The following MIPOL1 variants were observed in gnomAD, a reference collection of about 807,000 sequenced individuals.
MIPOL1 encodes mirror-image polydactyly 1, also known as mirror-image polydactyly gene 1 protein.
In MIPOL1, 57 loss-of-function variants were observed where a neutral mutation model predicts 60.9. The ratio of observed to expected loss-of-function variants is 0.94; its 90% CI spans 0.76 to 1.17. The LOEUF is 1.17. Ranked by LOEUF, MIPOL1 falls within the 50% of genes most tolerant of loss-of-function variation. The probability of loss-of-function intolerance (pLI) is 0.00; values close to 1 mark genes in which losing one functional copy is unlikely to be tolerated. For synonymous variants in MIPOL1, 179 were observed against 168.8 expected (o/e 1.06, Z -0.47); for missense variants, 551 against 511.6 (o/e 1.08, Z -0.74).
chr14:37,481,323 G>T (rs757612573), intron 11 of MIPOL1, among the ~76,000 whole-genome samples: 2 of 152,010 alleles, frequency 1.3e-5, no homozygotes, highest in Non-Finnish European at 2.9e-5. Context: ...ACCAAAAGGA[G>T]ATGTAAGACC....
intron 3 of MIPOL1, among the ~76,000 whole-genome samples, chr14:37,251,815 C>T (rs1472992433): frequency 6.6e-6 from 1 of 151,878 alleles, no homozygotes; most frequent in Non-Finnish European, 1.5e-5. Flanking sequence ...TACAACAATT[C>T]TTTGCAAATA....
intron 9 of MIPOL1, among the ~76,000 whole-genome samples, chr14:37,331,419 GTGTGTA>G (rs772664364): frequency 1.3e-5 from 2 of 151,940 alleles, no homozygotes; most frequent in Admixed American, 6.6e-5. Context: ...TAGTGTGTGT[GTGTGTA>G]TGTCCTCTTC....
intron 11 of MIPOL1, among the ~76,000 whole-genome samples, chr14:37,459,306 C>A (rs6571813): frequency 0.99 from 150,492 of 152,290 alleles, 74,381 homozygotes; most frequent in Middle Eastern, 1. Context: ...AGAAGATTCA[C>A]ATAAGTAAAA....
At chr14:37,355,688 G>A (rs1019313280) in intron 9 of MIPOL1, among the ~76,000 whole-genome samples, 3 of 130,044 alleles carry the variant, frequency 2.3e-5, no homozygotes, top group African/African-American at 8.4e-5. Flanking sequence ...CTTTCTTCCA[G>A]TTGATCGCAT....
intron 1 of MIPOL1, among the ~76,000 whole-genome samples, chr14:37,225,578 C>T (rs1038368795): frequency 2.0e-5 from 3 of 152,164 alleles, no homozygotes; most frequent in African/African-American, 7.2e-5. Flanking sequence ...CACCAAGTCC[C>T]TAGGCTGCAC....
chr14:37,383,234 A>G (rs2092973294), intron 10 of MIPOL1, among the ~76,000 whole-genome samples: 1 of 151,816 alleles, frequency 6.6e-6, no homozygotes, highest in Non-Finnish European at 1.5e-5. Flanking sequence ...ATCTTGTTTC[A>G]GGTATTGTTT....
At chr14:37,491,574 AT>A (rs1176985452) in intron 11 of MIPOL1, among the ~76,000 whole-genome samples, 1 of 152,200 alleles carries the variant, frequency 6.6e-6, no homozygotes, top group African/African-American at 2.4e-5. Context: ...CTTCCTTAGA[AT>A]TATTTGTATA....
intron 12 of MIPOL1, among the ~76,000 whole-genome samples, chr14:37,509,899 GCT>G (rs2095313097): frequency 6.6e-6 from 1 of 151,378 alleles, no homozygotes; most frequent in South Asian, 2.1e-4. Context: ...CTGTAGAAAT[GCT>G]CTGTTCCTCT....
At chr14:37,490,269 C>T (rs959047237) in intron 11 of MIPOL1, among the ~76,000 whole-genome samples, 2 of 152,158 alleles carry the variant, frequency 1.3e-5, no homozygotes, top group Non-Finnish European at 2.9e-5. Context: ...AAACTGCCTA[C>T]TCAAGCCTCG....
intron 11 of MIPOL1, among the ~76,000 whole-genome samples, chr14:37,427,993 T>TA (rs968285773): frequency 1.3e-5 from 2 of 151,794 alleles, no homozygotes; most frequent in South Asian, 2.1e-4. Context: ...AAGCAATACT[T>TA]ACAGCTATCC....
At chr14:37,394,228 G>A (rs953148247) in intron 10 of MIPOL1, among the ~76,000 whole-genome samples, 3 of 151,006 alleles carry the variant, frequency 2.0e-5, no homozygotes, top group African/African-American at 4.9e-5. Context: ...ATGAACATGC[G>A]TATACAAGTA....
chr14:37,376,177 C>T (rs1481217923), intron 10 of MIPOL1, among the ~76,000 whole-genome samples: 1 of 152,196 alleles, frequency 6.6e-6, no homozygotes, highest in Admixed American at 6.5e-5. Context: ...AGTGAACCTA[C>T]ATTGACACAT....
intron 11 of MIPOL1, among the ~76,000 whole-genome samples, chr14:37,467,962 G>A (rs2094622806): frequency 6.6e-6 from 1 of 151,320 alleles, no homozygotes; most frequent in Admixed American, 6.6e-5. Context: ...GCTGAGGCAG[G>A]AGAATCACTT....
At chr14:37,525,401 G>A (rs901327751) in intron 12 of MIPOL1, among the ~76,000 whole-genome samples, 1 of 152,118 alleles carries the variant, frequency 6.6e-6, no homozygotes, top group Non-Finnish European at 1.5e-5. Context: ...AACTCTTTGG[G>A]CTATGTTGCT....
At chr14:37,251,436 T>C (rs138784006) in intron 3 of MIPOL1, among the ~76,000 whole-genome samples, 197 of 152,066 alleles carry the variant, frequency 1.3e-3, no homozygotes, top group African/African-American at 4.4e-3. Flanking sequence ...ATAAAAACAA[T>C]GTGTGTGTGA....
chr14:37,275,683 G>A (rs2083601826), intron 6 of MIPOL1, among the ~76,000 whole-genome samples: 1 of 150,988 alleles, frequency 6.6e-6, no homozygotes, highest in Non-Finnish European at 1.5e-5. Context: ...TTACGTAAAA[G>A]TATTTAAATA....
At chr14:37,267,415 G>A (rs1277726493) in intron 4 of MIPOL1, among the ~76,000 whole-genome samples, 1 of 152,056 alleles carries the variant, frequency 6.6e-6, no homozygotes, top group African/African-American at 2.4e-5. Flanking sequence ...TTGAACCTGG[G>A]AGGCGGAGGT....
chr14:37,483,286 GTA>G (rs1198645241), intron 11 of MIPOL1, among the ~76,000 whole-genome samples: 2 of 151,330 alleles, frequency 1.3e-5, no homozygotes, highest in African/African-American at 2.4e-5. Flanking sequence ...CTAATTTTTT[GTA>G]TTTTTTAGTA....
chr14:37,228,960 G>C (rs1227037012), intron 1 of MIPOL1, among the ~76,000 whole-genome samples: 1 of 152,096 alleles, frequency 6.6e-6, no homozygotes, highest in Admixed American at 6.6e-5. Flanking sequence ...GGTAAAATAA[G>C]TATCCTGACC....
Sources: gnomAD v4.1 joint callset for allele counts (sites outside exome capture counted in the v4.1 genomes callset) on GRCh38, gnomAD v4.1.1 for gene constraint, MANE v1.5 for transcripts, NCBI Gene and HGNC (gene_info 2026-07-23, HGNC 2026-07-21) for gene names.